The following SLC10A7 variants were observed in gnomAD, a reference collection of about 807,000 sequenced individuals.
The protein encoded by SLC10A7 is solute carrier family 10 member 7.
SLC10A7 carries 29 observed loss-of-function variants against 43.2 expected under a neutral mutation model. The observed-to-expected ratio is 0.67, with a 90% CI of 0.50 to 0.92. The LOEUF (loss-of-function observed/expected upper bound fraction) is 0.92, where lower values mean the gene tolerates loss of function less well. SLC10A7 is among the 40% of genes least tolerant of loss of function. The probability of loss-of-function intolerance (pLI) is 0.00; values close to 1 mark genes in which losing one functional copy is unlikely to be tolerated. For synonymous variants in SLC10A7, 152 were observed against 144.8 expected (o/e 1.05, Z -0.35); for missense variants, 295 against 403.2 (o/e 0.73, Z 2.30).
At chr4:146,496,335 T>C (rs1232021602) in intron 4 of SLC10A7, among the ~76,000 whole-genome samples, 2 of 152,168 alleles carry the variant, frequency 1.3e-5, no homozygotes, top group African/African-American at 2.4e-5. Context: ...CTGAGTACTT[T>C]TGAGCTGACA....
intron 5 of SLC10A7, among the ~76,000 whole-genome samples, chr4:146,379,838 C>A (rs1579039244): frequency 6.6e-6 from 1 of 151,998 alleles, no homozygotes; most frequent in East Asian, 1.9e-4. Context: ...ATTTAAAATT[C>A]TTGATAGCTT....
chr4:146,503,926 T>C lies in SLC10A7; in HGVS notation c.321-2A>G. ...GGCATGCAACCTACTGTCTGCAAAC[T>C]GAAAAATAAAAGAAAATCCAACTAT... On this transcript the variant is annotated splice_acceptor_variant, in intron 3 of 11. Transcript: ENST00000335472. LOFTEE classifies it high-confidence loss of function. 1 of 1,613,472 alleles carries C rather than the reference T, an allele frequency of 6.2e-7. No homozygotes were observed. Among genetic ancestry groups the C allele is most frequent in the Non-Finnish European group, 8.5e-7 (1 of 1,179,552 alleles).
intron 10 of SLC10A7, among the ~76,000 whole-genome samples, chr4:146,262,246 G>A (rs1034807781): frequency 6.6e-6 from 1 of 152,132 alleles, no homozygotes; most frequent in Non-Finnish European, 1.5e-5. Context: ...AGAGAAGTTG[G>A]GATAAGCAGA....
At chr4:146,393,191 C>CAAAAAAAAAA (rs765135958) in intron 5 of SLC10A7, among the ~76,000 whole-genome samples, 1 of 42,068 alleles carries the variant, frequency 2.4e-5, no homozygotes, top group Non-Finnish European at 4.1e-5. Context: ...GGCCCTGTCT[C>CAAAAAAAAAA]AAAAAAAAAA....
At chr4:146,507,517 C>T (rs1338624684) in intron 3 of SLC10A7, among the ~76,000 whole-genome samples, 3 of 152,012 alleles carry the variant, frequency 2.0e-5, no homozygotes, top group Non-Finnish European at 2.9e-5. Context: ...GCTGAGATTA[C>T]GCCACTGCAC....
At chr4:146,416,032 A>G (rs1728535989) in intron 5 of SLC10A7, among the ~76,000 whole-genome samples, 1 of 152,200 alleles carries the variant, frequency 6.6e-6, no homozygotes, top group African/African-American at 2.4e-5. Context: ...CTGCTCTCCC[A>G]GACATACTCT....
intron 3 of SLC10A7, among the ~76,000 whole-genome samples, chr4:146,506,044 A>AC (rs945381519): frequency 1.3e-5 from 2 of 151,806 alleles, no homozygotes; most frequent in South Asian, 2.1e-4. Flanking sequence ...TGTCTCCCCT[A>AC]CCCCCAATAC....
rs781553304 is a variant in SLC10A7 at position 146,521,607 on chromosome 4, G to A, written c.100+11C>T. On this transcript the variant is annotated intron_variant, in intron 1 of 11. Transcript: ENST00000335472. The stretch of plus-strand genomic sequence containing the variant: ...GAGCCGCGGTGGAGCCGGCAGAGGT[G>A]CAGCACTTACCCCCATTCACCCCTA... The A allele has an allele frequency of 6.2e-7, 1 of 1,609,132 alleles. No individual in the cohort carries two copies. The highest frequency in any genetic ancestry group is 1.3e-5 in the African/African-American group (1 of 74,740).
At chr4:146,407,869 CAGA>C (rs1727848402) in intron 5 of SLC10A7, among the ~76,000 whole-genome samples, 1 of 152,116 alleles carries the variant, frequency 6.6e-6, no homozygotes, top group African/African-American at 2.4e-5. Flanking sequence ...ACTCTCAGGG[CAGA>C]AGGACTGGGC....
intron 4 of SLC10A7, among the ~76,000 whole-genome samples, chr4:146,474,856 C>T (rs370096630): frequency 1.3e-5 from 2 of 151,948 alleles, no homozygotes; most frequent in African/African-American, 4.8e-5. Flanking sequence ...AATGTGCCTC[C>T]CAACCCCCAA....
At chr4:146,381,461 A>G (rs1737618558) in intron 5 of SLC10A7, among the ~76,000 whole-genome samples, 1 of 152,106 alleles carries the variant, frequency 6.6e-6, no homozygotes, top group African/African-American at 2.4e-5. Flanking sequence ...AATTACTGTT[A>G]TGGGATGCTT....
At chr4:146,313,231 C>T (rs1732099600) in intron 6 of SLC10A7, among the ~76,000 whole-genome samples, 1 of 152,162 alleles carries the variant, frequency 6.6e-6, no homozygotes, top group Non-Finnish European at 1.5e-5. Flanking sequence ...AAAAGCCTGG[C>T]TAGGACAAGA....
chr4:146,297,488 T>G (rs1489115046), intron 7 of SLC10A7, among the ~76,000 whole-genome samples: 4 of 152,182 alleles, frequency 2.6e-5, no homozygotes, highest in Non-Finnish European at 5.9e-5. Flanking sequence ...TTAGTTTTCT[T>G]AATATTTTTA....
At chr4:146,333,858 CAGA>C (rs1347446118) in intron 5 of SLC10A7, among the ~76,000 whole-genome samples, 2 of 151,956 alleles carry the variant, frequency 1.3e-5, no homozygotes, top group Non-Finnish European at 2.9e-5. Flanking sequence ...CACATTAAAG[CAGA>C]AGATTAGAGT....
chr4:146,438,060 AT>A (rs1392869690), intron 5 of SLC10A7, among the ~76,000 whole-genome samples: 2 of 152,074 alleles, frequency 1.3e-5, no homozygotes, highest in African/African-American at 4.8e-5. Context: ...ACAAGTTATT[AT>A]TATTAAAACA....
At chr4:146,351,924 C>CA (rs1560825048) in intron 5 of SLC10A7, among the ~76,000 whole-genome samples, 2 of 130,066 alleles carry the variant, frequency 1.5e-5, no homozygotes, top group African/African-American at 6.7e-5. Flanking sequence ...CCAGCCGCTG[C>CA]AAAATCATGC....
chr4:146,506,486 T>C (rs1736908986), intron 3 of SLC10A7, among the ~76,000 whole-genome samples: 1 of 152,196 alleles, frequency 6.6e-6, no homozygotes, highest in Non-Finnish European at 1.5e-5. Context: ...TTTTGACCTT[T>C]AAAGAGTGCC....
chr4:146,315,406 G>T (rs1406492302), intron 6 of SLC10A7, among the ~76,000 whole-genome samples: 1 of 152,116 alleles, frequency 6.6e-6, no homozygotes, highest in South Asian at 2.1e-4. Context: ...GGAAAGGAAA[G>T]ATATGCAAGT....
At chr4:146,491,702 A>T (rs138024316) in intron 4 of SLC10A7, among the ~76,000 whole-genome samples, 1 of 133,562 alleles carries the variant, frequency 7.5e-6, no homozygotes, top group African/African-American at 2.6e-5. Flanking sequence ...GAAGGAAGGA[A>T]GGAAGGAAGG....
Sources: gnomAD v4.1 joint callset for allele counts (sites outside exome capture counted in the v4.1 genomes callset) on GRCh38, gnomAD v4.1.1 for gene constraint, MANE v1.5 for transcripts, NCBI Gene and HGNC (gene_info 2026-07-23, HGNC 2026-07-21) for gene names.